ZNF398: variants seen among roughly 807,000 people sequenced by gnomAD.
ZNF398 encodes the protein zinc finger protein 398, also known as zinc finger DNA binding protein ZER6.
A neutral mutation model predicts 41.9 loss-of-function variants in ZNF398; 18 were observed. That is an observed-to-expected ratio of 0.43 (90% confidence interval 0.30 to 0.64). The LOEUF is 0.64. Ranked by LOEUF, ZNF398 falls within the 30% of genes least tolerant of loss-of-function variation. ZNF398 has a pLI of 0.14. For missense variants in ZNF398, 669 were observed against 822.8 expected, an observed-to-expected ratio of 0.81 and a Z score of 2.29; for synonymous variants, 260 against 308.8, an observed-to-expected ratio of 0.84 and a Z score of 1.66.
chr7:149,171,617 G>T (rs915771386), intron 4 of ZNF398, among the ~76,000 whole-genome samples: 9 of 151,658 alleles, frequency 5.9e-5, no homozygotes, highest in African/African-American at 2.2e-4. Context: ...TGATCCACCC[G>T]CCTCTGACCT....
chr7:149,127,064 G>C (rs1226956995), intron 1 of ZNF398, among the ~76,000 whole-genome samples: 2 of 152,226 alleles, frequency 1.3e-5, no homozygotes, highest in African/African-American at 4.8e-5. Flanking sequence ...GACAGAGCGG[G>C]AGAAGACGGA....
upstream of ZNF398, among the ~76,000 whole-genome samples, chr7:149,145,968 T>C (rs573022711): frequency 8.8e-5 from 7 of 79,250 alleles, no homozygotes; most frequent in East Asian, 4.3e-3. Context: ...TTTTTTAAGA[T>C]GGAGTCTAGC....
At chr7:149,142,142 T>TATAGTCTTTTAGA (rs1246802202) in intron 2 of ZNF398, among the ~76,000 whole-genome samples, 1 of 152,122 alleles carries the variant, frequency 6.6e-6, no homozygotes, top group East Asian at 1.9e-4. Flanking sequence ...TAGAGATAAT[T>TATAGTCTTTTAGA]GCTATAGACT....
chr7:149,154,688 T>G (rs1405211826), intron 2 of ZNF398, among the ~76,000 whole-genome samples: 1 of 151,960 alleles, frequency 6.6e-6, no homozygotes, highest in Non-Finnish European at 1.5e-5. Flanking sequence ...GGAGACTACA[T>G]AAATATTCTT....
chr7:149,134,102 T>C (rs1251882689), intron 2 of ZNF398, among the ~76,000 whole-genome samples: 3 of 146,384 alleles, frequency 2.0e-5, no homozygotes, highest in African/African-American at 7.6e-5. Flanking sequence ...TTCGCTCTTG[T>C]TGCCCAGGGT....
Position 149,183,024 on chromosome 7 carries a change from TAAAAAA to T in ZNF398, c.*3236_*3241del, listed in dbSNP as rs1204360454. 1.6e-5 allele frequency among the ~76,000 whole-genome samples: 2 copies of T among 125,450 alleles called. No homozygotes were observed. The highest frequency in any genetic ancestry group is 3.0e-5 in the African/African-American group (1 of 32,876). 82.3% of individuals were successfully genotyped at this position (125,450 alleles called of 152,430 possible). The stretch of plus-strand genomic sequence containing the variant: ...CAGTCCACACAAGCCTCGTTGATAT[TAAAAAA>T]AAAAAAAAAAAAGGACCTCATTCCA... On this transcript the variant is annotated 3_prime_UTR_variant, in exon 6 of 6. Transcript: ENST00000475153.
intron 2 of ZNF398, among the ~76,000 whole-genome samples, chr7:149,155,513 C>T (rs935238095): frequency 6.6e-6 from 1 of 151,724 alleles, no homozygotes; most frequent in African/African-American, 2.4e-5. Context: ...CAGGATGGAG[C>T]TTAAGCATGA....
At chr7:149,163,265 C>T (rs1033350838) in intron 2 of ZNF398, among the ~76,000 whole-genome samples, 8 of 151,874 alleles carry the variant, frequency 5.3e-5, no homozygotes, top group Non-Finnish European at 7.4e-5. Flanking sequence ...AGTGCAGTGG[C>T]GTGATCTCAG....
Position 149,178,980 on chromosome 7 carries a change from T to C in ZNF398, c.1108T>C (p.Leu370=), listed in dbSNP as rs1471521933. ...HQCSHATEHP[L]PCAQCPKHFT... is the part of the protein sequence containing the mutation. ...ATGTAGCCATGCTACTGAGCACCCCTTACCCTGTGCCCAGTGCCCTAAGCA... is the reference window on the plus strand; with the variant it reads ...ATGTAGCCATGCTACTGAGCACCCCCTACCCTGTGCCCAGTGCCCTAAGCA... Residue 370 remains leucine (L), a synonymous_variant, in exon 6 of 6, where the codon TTA becomes CTA. Transcript: ENST00000475153. The C allele has an allele frequency of 1.9e-6, 3 of 1,613,988 alleles. No individual in the cohort carries two copies. Among genetic ancestry groups the C allele is most frequent in the Non-Finnish European group, 2.5e-6 (3 of 1,180,012 alleles).
At chr7:149,126,906 C>T (rs1490885232) in intron 1 of ZNF398, among the ~76,000 whole-genome samples, 1 of 152,190 alleles carries the variant, frequency 6.6e-6, no homozygotes. Flanking sequence ...TTCTGGGCTC[C>T]CCGAGCGTCC....
Position 149,154,151 on chromosome 7 carries a change from A to G in ZNF398, c.231A>G (p.Lys77=), listed in dbSNP as rs148067846. The change falls in exon 2 of 6, where the codon AAA becomes AAG. Residue 77 remains lysine, a synonymous_variant. Transcript: ENST00000475153. ...LEGRTGTAEK[K]LASCEKTVTE... ...GTCGGACAGGGACAGCAGAGAAGAA[A>G]CTAGCCAGCTGTGAAAAGACAGTTA... 2.2e-4 allele frequency: 363 copies of G among 1,614,042 alleles called. No homozygotes were observed. Among genetic ancestry groups the G allele is most frequent in the Non-Finnish European group, 2.8e-4 (327 of 1,180,026 alleles).
rs1237604723 is a variant in ZNF398, at chr7:149,132,571, T to A, written c.-490+3627T>A. 2.6e-5 allele frequency among the ~76,000 whole-genome samples: 4 copies of A among 152,026 alleles called. No homozygotes were observed. The East Asian group carries it at 5.8e-4, about 22-fold the overall frequency. ...TAGACCTCAGTGGAGTGCACCGGAT[T>A]TTATAGGCAGGCTTGAGGAGGCGGT... On this transcript the variant is annotated intron_variant, in intron 2 of 6. Transcript: ENST00000426851.
At chr7:149,143,824 C>T (rs1826878263), upstream of ZNF398, among the ~76,000 whole-genome samples, 1 of 152,112 alleles carries the variant, frequency 6.6e-6, no homozygotes, top group East Asian at 1.9e-4. Flanking sequence ...AAAAAACAAA[C>T]AAACAACCCC....
intron 2 of ZNF398, among the ~76,000 whole-genome samples, chr7:149,155,726 T>TTA (rs1554462776): frequency 0.075 from 6,956 of 92,496 alleles, 202 homozygotes; most frequent in Middle Eastern, 0.12. Flanking sequence ...TTTTTTTTTT[T>TTA]TTTAATTTTT....
chr7:149,128,780 T>TAAAATAA (rs71192757), intron 1 of ZNF398: 2 of 143,420 alleles, frequency 1.4e-5, no homozygotes, highest in African/African-American at 5.3e-5. Context: ...TAAAATAAAA[T>TAAAATAA]TATATATATA....
upstream of ZNF398, among the ~76,000 whole-genome samples, chr7:149,146,234 C>T (rs1826934924): frequency 6.6e-6 from 1 of 152,052 alleles, no homozygotes; most frequent in Non-Finnish European, 1.5e-5. Context: ...CCACTGCGCT[C>T]GGCCTGTTCT....
At chr7:149,168,712 G>A (rs568051885) in intron 4 of ZNF398, among the ~76,000 whole-genome samples, 21 of 152,012 alleles carry the variant, frequency 1.4e-4, no homozygotes, top group African/African-American at 3.6e-4. Flanking sequence ...GGGATTCCAC[G>A]CCCGGCTAAT....
chr7:149,169,049 C>T (rs1795279360), intron 4 of ZNF398, among the ~76,000 whole-genome samples: 1 of 152,132 alleles, frequency 6.6e-6, no homozygotes, highest in Admixed American at 6.6e-5. Context: ...TGTCATAGAC[C>T]TCAGCAAGTA....
In ZNF398 at chr7:149,179,607, A is replaced by G. The variant is rs1563168234; in HGVS notation, c.1735A>G (p.Lys579Glu). Residue 579 changes from lysine to glutamate, a missense_variant, in exon 6 of 6, where the codon AAA becomes GAA. Lys to Glu is a moderately conservative substitution (Grantham distance 56). Transcript: ENST00000475153. The surrounding 1 kb of genome is among the most constrained non-coding windows in gnomAD (Gnocchi z 6.1). ...CSYCGRSFRY[K>E]QTLKDHLRSG... ...CTACTGTGGCAGGAGCTTCCGCTAC[A>G]AACAGACACTCAAGGACCACCTCCG... 1 of 1,614,206 alleles carries G rather than the reference A, an allele frequency of 6.2e-7. No homozygotes were observed.
Sources: gnomAD v4.1 joint callset for allele counts (sites outside exome capture counted in the v4.1 genomes callset) on GRCh38, gnomAD v4.1.1 for gene constraint, Gnocchi (gnomAD v3.1) non-coding constraint, MANE v1.5 for transcripts, NCBI Gene and HGNC (gene_info 2026-07-23, HGNC 2026-07-21) for gene names.